VPS53: variants seen among roughly 807,000 people sequenced by gnomAD.
The protein encoded by VPS53 is vacuolar protein sorting-associated protein 53 homolog.
A neutral mutation model predicts 107.0 loss-of-function variants in VPS53; 70 were observed. That is an observed-to-expected ratio of 0.65 (90% confidence interval 0.54 to 0.80). VPS53 has a LOEUF of 0.80. VPS53 is among the 30% of genes least tolerant of loss of function. The probability of loss-of-function intolerance (pLI) is 0.00; values close to 1 mark genes in which losing one functional copy is unlikely to be tolerated. For missense variants in VPS53, 917 were observed against 1,049.4 expected (o/e 0.87, Z 1.74); for synonymous variants, 409 against 393.3 (o/e 1.04, Z -0.47).
intron 7 of VPS53, among the ~76,000 whole-genome samples, chr17:637,668 A>C (rs1970252187): frequency 6.6e-6 from 1 of 152,084 alleles, no homozygotes; most frequent in African/African-American, 2.4e-5. Flanking sequence ...CCTTCATTTC[A>C]TTATGTATCC....
intron 12 of VPS53, 110 bp downstream of exon 12, chr17:601,685 G>T: frequency 1.3e-6 from 1 of 770,674 alleles, no homozygotes; most frequent in Non-Finnish European, 2.1e-6. Flanking sequence ...CACAACAGCT[G>T]TCATCTCTGA....
rs186330655 is a variant in VPS53, at chr17:679,107, A to G, written c.286-17212T>C. ...TACAGAGTAATGAACTGAAACAGGAAAAGAGGAGAACTGACAAATATATCC... is the reference window on the plus strand; with the variant it reads ...TACAGAGTAATGAACTGAAACAGGAGAAGAGGAGAACTGACAAATATATCC... On this transcript the variant is annotated intron_variant, in intron 4 of 21. Coordinates refer to ENST00000437048, the MANE Select transcript of VPS53 (RefSeq NM_001128159.3). Among the ~76,000 whole-genome samples the G allele has an allele frequency of 9.8e-4, 149 of 152,328 alleles. 1 individual carries two copies. Among genetic ancestry groups the G allele is most frequent in the African/African-American group, 3.3e-3 (139 of 41,576 alleles).
rs1026846803 is a variant in VPS53, at chr17:714,824, C to A, written c.-115G>T. 5 of 1,174,118 alleles carry A rather than the reference C, an allele frequency of 4.3e-6. No homozygotes were observed. Among genetic ancestry groups the A allele is most frequent in the Non-Finnish European group, 6.2e-6 (5 of 800,698 alleles). The allele number at this position is 1,174,118 out of a possible 1,614,324, so 72.7% of individuals were successfully genotyped here. A position where few individuals can be genotyped will look rare whatever the true frequency, so the allele number is the denominator to read the frequency against. ...GGCAGCGACCTGGTGAGCCCGGCTC[C>A]GTCAGCCGCTCTGTCAGCCGCTCCG... On this transcript the variant is annotated 5_prime_UTR_variant, in exon 1 of 22. Transcript: ENST00000437048.
rs781103701 is a variant in VPS53 at position 623,525 on chromosome 17, G to C, written c.1116+8C>G. 1.9e-6 allele frequency: 3 copies of C among 1,609,510 alleles called. No individual in the cohort carries two copies. In the African/African-American group the frequency reaches 4.0e-5, roughly 21 times the overall value. The stretch of plus-strand genomic sequence containing the variant: ...TTTCACGTGGCAGCTCCCTAGGGAA[G>C]GTCTTACCAGGGTCCCATCGGTCAG... On this transcript the variant is annotated splice_region_variant and intron_variant, in intron 11 of 21. Coordinates refer to ENST00000437048, the MANE Select transcript of VPS53 (RefSeq NM_001128159.3).
chr17:632,232 A>C (rs1342372667), intron 7 of VPS53, among the ~76,000 whole-genome samples: 1 of 152,190 alleles, frequency 6.6e-6, no homozygotes, highest in African/African-American at 2.4e-5. Flanking sequence ...TGGGTGACAG[A>C]GGGAGACCTT....
At chr17:655,986 A>G in intron 5 of VPS53, 33 bp from the exon 6 acceptor site, 1 of 1,580,000 alleles carries the variant, frequency 6.3e-7, no homozygotes, top group Non-Finnish European at 8.7e-7. Flanking sequence ...AAAGAAAGGA[A>G]GACGGTCAAG....
At position 588,740 on chromosome 17, in the gene VPS53, A is replaced by G. The variant is rs76544626; in HGVS notation, c.1219-2376T>C. 1.6e-3 allele frequency among the ~76,000 whole-genome samples: 250 copies of G among 152,308 alleles called. 1 individual carries two copies. Among genetic ancestry groups the G allele is most frequent in the Admixed American group, 3.8e-3 (58 of 15,286 alleles). ...CAGGCCTTGGACTGAGCCCACAACC[A>G]CACAAGCCTGGCTGATTGAGCTTGA... On this transcript the variant is annotated intron_variant, in intron 12 of 21. Coordinates refer to ENST00000437048, the MANE Select transcript of VPS53 (RefSeq NM_001128159.3).
At chr17:645,622 G>C (rs1476221120) in intron 7 of VPS53, among the ~76,000 whole-genome samples, 1 of 152,162 alleles carries the variant, frequency 6.6e-6, no homozygotes, top group Non-Finnish European at 1.5e-5. Context: ...TTTCTTCTAA[G>C]AGTTTTAGAA....
chr17:684,591 G>C (rs879290297), intron 4 of VPS53, among the ~76,000 whole-genome samples: 3 of 152,152 alleles, frequency 2.0e-5, no homozygotes, highest in African/African-American at 4.8e-5. Context: ...TCATAGATTG[G>C]AAGATTTAAT....
At chr17:635,500 G>C (rs1456217333) in intron 7 of VPS53, among the ~76,000 whole-genome samples, 1 of 152,106 alleles carries the variant, frequency 6.6e-6, no homozygotes, top group Admixed American at 6.5e-5. Context: ...GTATTGCCTA[G>C]GTTTTCTTCT....
Position 516,373 on chromosome 17 carries a change from TTTTG to T in VPS53, c.*2751_*2754del, listed in dbSNP as rs1479042750. 3.3e-5 allele frequency: 5 copies of T among 152,062 alleles called. No homozygotes were observed. The highest frequency in any genetic ancestry group is 7.2e-5 in the African/African-American group (3 of 41,482). 9.4% of individuals were successfully genotyped at this position (152,062 alleles called of 1,614,324 possible). A position where few individuals can be genotyped will look rare whatever the true frequency, so the allele number is the denominator to read the frequency against. Reference sequence around the variant, plus strand: ...ACTCAAAATCTCCGGGCATCTGTTTTTTTGTTTGTTTTGAGATAGAGTCTCACTC... The same window carrying T: ...ACTCAAAATCTCCGGGCATCTGTTTTTTTGTTTTGAGATAGAGTCTCACTC... On this transcript the variant is annotated 3_prime_UTR_variant, in exon 22 of 22. Transcript: ENST00000437048.
chr17:681,703 AAAC>A (rs1221600786), intron 4 of VPS53, among the ~76,000 whole-genome samples: 2 of 152,218 alleles, frequency 1.3e-5, no homozygotes, highest in East Asian at 1.9e-4. Flanking sequence ...GGTAATTTCT[AAAC>A]AACAGAAATT....
intron 15 of VPS53, 53 bp downstream of exon 15, chr17:560,373 G>C: frequency 6.3e-7 from 1 of 1,585,804 alleles, no homozygotes; most frequent in Non-Finnish European, 8.6e-7. Context: ...GAGCGACGCA[G>C]CCCAGAGGGT....
At chr17:553,290 GAGCA>G in intron 16 of VPS53, 86 bp downstream of exon 16, 1 of 1,237,846 alleles carries the variant, frequency 8.1e-7, no homozygotes, top group South Asian at 1.3e-5. Flanking sequence ...GGCAGGCAGC[GAGCA>G]AGCGTGTGCA....
At chr17:653,708 G>A (rs1343544287) in intron 6 of VPS53, among the ~76,000 whole-genome samples, 1 of 152,234 alleles carries the variant, frequency 6.6e-6, no homozygotes, top group Non-Finnish European at 1.5e-5. Context: ...GGAAGAATGT[G>A]TGAGTGATGA....
At chr17:579,602 A>T (rs972005034) in intron 13 of VPS53, among the ~76,000 whole-genome samples, 2 of 151,256 alleles carry the variant, frequency 1.3e-5, no homozygotes, top group Admixed American at 1.3e-4. Context: ...GTTCCCAGAG[A>T]ACCTCCCTCA....
At chr17:632,736 G>A in intron 7 of VPS53, 1 of 456,294 alleles carries the variant, frequency 2.2e-6, no homozygotes, top group South Asian at 1.5e-5. Flanking sequence ...AAAATGTTTA[G>A]CACCCACATG....
At chr17:665,201 T>C (rs577188323) in intron 4 of VPS53, among the ~76,000 whole-genome samples, 1 of 152,316 alleles carries the variant, frequency 6.6e-6, no homozygotes, top group South Asian at 2.1e-4. Flanking sequence ...AGCCACTTTC[T>C]CGTGCATGCA....
intron 4 of VPS53, among the ~76,000 whole-genome samples, chr17:684,509 C>G (rs529908530): frequency 7.4e-4 from 113 of 152,076 alleles, no homozygotes; most frequent in Admixed American, 1.2e-3. Flanking sequence ...TGAGCAAGAT[C>G]TATATACTAA....
Sources: allele counts gnomAD v4.1 joint callset (sites outside exome capture counted in the v4.1 genomes callset), GRCh38; gene constraint gnomAD v4.1.1; transcripts MANE v1.5; gene names NCBI Gene and HGNC (gene_info 2026-07-23, HGNC 2026-07-21).